Variants in ASPSCR1 observed in about 807,000 individuals in gnomAD.
The protein encoded by ASPSCR1 is ASPSCR1 tether for SLC2A4, UBX domain containing, also known as tether containing UBX domain for GLUT4.
In ASPSCR1, 55 loss-of-function variants were observed where a neutral mutation model predicts 68.9. That is an observed-to-expected ratio of 0.80 (90% confidence interval 0.64 to 1.00). The LOEUF (loss-of-function observed/expected upper bound fraction) is 1.00, where lower values mean the gene tolerates loss of function less well. Among genes scored for constraint, ASPSCR1 ranks in the 50% least tolerant of loss-of-function variants. ASPSCR1 has a pLI of 0.00. For missense variants in ASPSCR1, 765 were observed against 762.2 expected (o/e 1.00, Z -0.04); for synonymous variants, 352 against 332.6 (o/e 1.06, Z -0.63).
intron 12 of ASPSCR1, chr17:82,015,542 G>A (rs1598439042): frequency 1.3e-6 from 1 of 771,334 alleles, no homozygotes; most frequent in East Asian, 2.7e-5. Flanking sequence ...TGAGAACCAG[G>A]TGCCTCTCTG....
intron 12 of ASPSCR1, chr17:82,012,942 C>G (rs1274977320): frequency 6.5e-6 from 1 of 153,188 alleles, no homozygotes; most frequent in African/African-American, 2.4e-5. Context: ...TTCCGAAGCC[C>G]TCTGGCCTAA....
rs535931661 is a variant in ASPSCR1, at chr17:81,999,798, C to A, written c.933+2952C>A. Among the ~76,000 whole-genome samples the A allele has an allele frequency of 1.3e-5, 2 of 152,242 alleles. No homozygotes were observed. Among genetic ancestry groups the A allele is most frequent in the East Asian group, 3.9e-4 (2 of 5,174 alleles). ...TCTGAGTGAAGCAACCTCATGCCTCCCTCTTGCCTCCCGGCCACACACCTG... is the reference window on the plus strand; with the variant it reads ...TCTGAGTGAAGCAACCTCATGCCTCACTCTTGCCTCCCGGCCACACACCTG... On this transcript the variant is annotated intron_variant, in intron 7 of 15. Transcript: ENST00000306739. The surrounding 1 kb of genome is among the most constrained non-coding windows in gnomAD (Gnocchi z 4.4).
chr17:81,984,593 A>G (rs2041903020), intron 3 of ASPSCR1, among the ~76,000 whole-genome samples: 1 of 151,574 alleles, frequency 6.6e-6, no homozygotes, highest in Non-Finnish European at 1.5e-5. Flanking sequence ...AAAAAAAAAA[A>G]GAGCAGCAAA....
chr17:82,001,437 C>A (rs949895310), intron 7 of ASPSCR1, among the ~76,000 whole-genome samples: 1 of 152,186 alleles, frequency 6.6e-6, no homozygotes, highest in Non-Finnish European at 1.5e-5. Flanking sequence ...CTGAGGCTGT[C>A]CCTAGGGGCA....
chr17:82,016,732 C>T, intron 13 of ASPSCR1, 68 bp from the exon 14 acceptor site: 1 of 1,544,822 alleles, frequency 6.5e-7, no homozygotes, highest in East Asian at 2.3e-5. Context: ...TGCTGGTGGG[C>T]AGATGCTGGG....
rs1384511035 is a variant in ASPSCR1, at chr17:81,996,708, T to A, written c.795T>A (p.Ser265=). 2 of 1,613,472 alleles carry A rather than the reference T, an allele frequency of 1.2e-6. No homozygotes were observed. Among genetic ancestry groups the A allele is most frequent in the African/African-American group, 2.7e-5 (2 of 74,944 alleles). ...PPGPTRPLTS[S]SAKLPKSLSS... ...GGCCCACGAGGCCTCTGACATCATCTTCAGCTAAGTTGCCGAAGTCCCTCT... is the reference window on the plus strand; with the variant it reads ...GGCCCACGAGGCCTCTGACATCATCATCAGCTAAGTTGCCGAAGTCCCTCT... The change falls in exon 7 of 16, where the codon TCT becomes TCA. Residue 265 remains serine (S), a synonymous_variant. Transcript: ENST00000306739.
In ASPSCR1 at chr17:82,016,521, C is replaced by T; in HGVS notation, c.1399C>T (p.Pro467Ser). 6.5e-7 allele frequency: 1 copy of T among 1,549,246 alleles called. No homozygotes were observed. Reference sequence around the variant, plus strand: ...TCTGGTGCACTTGGGAGCCGAGGAGCCGGCAGGTGAGTGTCAGTGGTTGGG... The same window carrying T: ...TCTGGTGCACTTGGGAGCCGAGGAGTCGGCAGGTGAGTGTCAGTGGTTGGG... The part of the protein sequence containing the change: ...AALVHLGAEE[P>S]AGVYLEPGLL... Residue 467 changes from proline (P) to serine (S), a missense_variant, in exon 13 of 16, where the codon CCG (proline) becomes TCG (serine). Transcript: ENST00000306739.
At chr17:81,995,305 AG>A (rs2042300702) in intron 5 of ASPSCR1, 1 of 229,770 alleles carries the variant, frequency 4.4e-6, no homozygotes, top group Admixed American at 5.1e-5. Flanking sequence ...ACTGGCCCGG[AG>A]GGGCCCTGGG....
At position 82,017,126 on chromosome 17, in the gene ASPSCR1, G is replaced by A. The variant is rs746564302; in HGVS notation, c.1648+13G>A. ...CTGAAGCTGCCGGGTACTGCGGCTG[G>A]GTGGAAGGTGGGGTGCTGTGGCCGG... On this transcript the variant is annotated intron_variant, in intron 15 of 15. Coordinates refer to ENST00000306739, the MANE Select transcript of ASPSCR1 (RefSeq NM_024083.4). 2.0e-5 allele frequency: 31 copies of A among 1,579,566 alleles called. No individual in the cohort carries two copies. Among genetic ancestry groups the A allele is most frequent in the Non-Finnish European group, 2.6e-5 (30 of 1,165,070 alleles).
chr17:82,011,087 T>A (rs2042922544), intron 10 of ASPSCR1, among the ~76,000 whole-genome samples: 1 of 152,152 alleles, frequency 6.6e-6, no homozygotes, highest in South Asian at 2.1e-4. Context: ...CGGCCCCAGC[T>A]CAGGGAGCCC....
At position 81,984,513 on chromosome 17, in the gene ASPSCR1, C is replaced by G. The variant is rs1015450592; in HGVS notation, c.273+845C>G. Among the ~76,000 whole-genome samples, 10 of 151,736 alleles carry G rather than the reference C, an allele frequency of 6.6e-5. No individual in the cohort carries two copies. In the East Asian group the frequency reaches 1.9e-3, roughly 30 times the overall value. On this transcript the variant is annotated intron_variant, in intron 3 of 15. Coordinates refer to ENST00000306739, the MANE Select transcript of ASPSCR1 (RefSeq NM_024083.4). ...AATGGCGTGAACCCGGGAGGCGGAG[C>G]TTGCAGTGAGCCGAGATTGTGCTGC...
chr17:82,009,538 A>T lies in ASPSCR1; in HGVS notation c.1141A>T (p.Ile381Leu), dbSNP rs762523091. ...LVTKAFREAQ[I>L]KEKLERYPKV... ...GACCAAGGCCTTCAGGGAGGCGCAG[A>T]TAAAGGAGAAGCTGGAGCGCTACCC... The change falls in exon 9 of 16, where the codon ATA (isoleucine) becomes TTA (leucine). Residue 381 changes from isoleucine (I) to leucine (L), a missense_variant. Transcript: ENST00000306739. 3.5e-6 allele frequency: 5 copies of T among 1,441,976 alleles called. No homozygotes were observed. Among genetic ancestry groups the T allele is most frequent in the South Asian group, 2.5e-5 (2 of 79,020 alleles). The allele number at this position is 1,441,976 out of a possible 1,614,324, so 89.3% of individuals were successfully genotyped here. A position where few individuals can be genotyped will look rare whatever the true frequency, so the allele number is the denominator to read the frequency against.
chr17:81,995,040 G>A (rs116096769), intron 5 of ASPSCR1, 162 bp downstream of exon 5: 68,509 of 774,548 alleles, frequency 0.088, 3,689 homozygotes, highest in Non-Finnish European at 0.11. Context: ...GCCGGCCCTC[G>A]GAGCCCGGGC....
chr17:82,006,856 C>T (rs2042737417), intron 7 of ASPSCR1: 1 of 152,358 alleles, frequency 6.6e-6, no homozygotes. Context: ...GGGCAGAGCT[C>T]ACCAGTCAAC....
chr17:82,015,985 T>C (rs1465340615), intron 12 of ASPSCR1: 2 of 165,292 alleles, frequency 1.2e-5, no homozygotes, highest in Admixed American at 1.1e-4. Context: ...TGAAGCTTCC[T>C]CTTATTAATC....
intron 7 of ASPSCR1, among the ~76,000 whole-genome samples, chr17:82,000,243 G>T (rs531999280): frequency 1.3e-5 from 2 of 152,256 alleles, no homozygotes; most frequent in Non-Finnish European, 2.9e-5. Context: ...TCTGCAGAGC[G>T]TGGGGCGTGG....
chr17:82,015,436 ACTTCC>A, intron 12 of ASPSCR1: 1 of 1,478,860 alleles, frequency 6.8e-7, no homozygotes, highest in Non-Finnish European at 9.0e-7. Flanking sequence ...TGCCAAGCCT[ACTTCC>A]CTCTCCTGGT....
intron 12 of ASPSCR1, among the ~76,000 whole-genome samples, chr17:82,012,538 C>T (rs939568159): frequency 2.6e-5 from 4 of 152,248 alleles, no homozygotes; most frequent in Admixed American, 2.0e-4. Context: ...GAACTGAGGC[C>T]GCTTGGAGGT....
intron 4 of ASPSCR1, among the ~76,000 whole-genome samples, chr17:81,993,523 C>T (rs1178662484): frequency 6.6e-6 from 1 of 152,216 alleles, no homozygotes; most frequent in African/African-American, 2.4e-5. Flanking sequence ...GAGTCCTGCT[C>T]TTTCAAGTAG....
Sources: gnomAD v4.1 joint callset for allele counts (sites outside exome capture counted in the v4.1 genomes callset) on GRCh38, gnomAD v4.1.1 for gene constraint, Gnocchi (gnomAD v3.1) non-coding constraint, MANE v1.5 for transcripts, NCBI Gene and HGNC (gene_info 2026-07-23, HGNC 2026-07-21) for gene names.